Variants in OLFM4 observed in about 807,000 individuals in gnomAD.
The protein encoded by OLFM4 is olfactomedin 4, also known as olfactomedin-4.
OLFM4 carries 22 observed loss-of-function variants against 25.5 expected under a neutral mutation model. That is an observed-to-expected ratio of 0.86 (90% CI 0.62 to 1.23). OLFM4 has a LOEUF of 1.23. Ranked by LOEUF, OLFM4 falls within the 50% of genes most tolerant of loss-of-function variation. The pLI is 0.00. For synonymous variants in OLFM4, 255 were observed against 237.7 expected (o/e 1.07, Z -0.67); for missense variants, 594 against 619.4 (o/e 0.96, Z 0.44).
intron 4 of OLFM4, among the ~76,000 whole-genome samples, chr13:53,043,676 G>C (rs1047619378): frequency 4.6e-5 from 7 of 152,110 alleles, no homozygotes; most frequent in African/African-American, 1.7e-4. Flanking sequence ...GATGAGCTGG[G>C]TTTATGCCTT....
chr13:53,043,124 T>C lies in OLFM4; in HGVS notation c.590T>C (p.Leu197Ser), dbSNP rs371258053. The change falls in exon 4 of 5, where the codon TTG becomes TCG. Residue 197 changes from leucine to serine, a missense_variant. Coordinates refer to ENST00000219022, the MANE Select transcript of OLFM4 (RefSeq NM_006418.5). ...CCTTAGATAAGAAATATGACTCTCT[T>C]GGTAGAGAAGCTTGAGACACTAGAC... is the stretch of plus-strand genomic sequence containing the variant. ...LEVEIRNMTLLVEKLETLDKN... is the reference protein window; with the variant it reads ...LEVEIRNMTLSVEKLETLDKN... 1 of 1,605,202 alleles carries C rather than the reference T, an allele frequency of 6.2e-7. No homozygotes were observed. The highest frequency in any genetic ancestry group is 8.5e-7 in the Non-Finnish European group (1 of 1,177,240).
chr13:53,049,846 G>T, intron 4 of OLFM4, 123 bp from the exon 5 acceptor site: 1 of 1,027,828 alleles, frequency 9.7e-7, no homozygotes, highest in Non-Finnish European at 1.4e-6. Context: ...CAGAACCACT[G>T]TTGTTATTGA....
chr13:53,048,903 G>A (rs571854555), intron 4 of OLFM4, among the ~76,000 whole-genome samples: 1 of 152,238 alleles, frequency 6.6e-6, no homozygotes, highest in South Asian at 2.1e-4. Context: ...CAGAAAATGT[G>A]TGTTCAACTC....
intron 1 of OLFM4, among the ~76,000 whole-genome samples, chr13:53,033,853 G>T (rs1018648454): frequency 1.0e-4 from 15 of 143,102 alleles, no homozygotes; most frequent in Admixed American, 7.9e-4. Context: ...GAGGTCAGGA[G>T]ATCGAGACCA....
chr13:53,029,397 T>TA (rs1291458789), intron 1 of OLFM4, among the ~76,000 whole-genome samples: 1 of 152,116 alleles, frequency 6.6e-6, no homozygotes, highest in Non-Finnish European at 1.5e-5. Flanking sequence ...TCAAATATTT[T>TA]AAAAAACCTC....
intron 4 of OLFM4, 90 bp from the exon 5 acceptor site, chr13:53,049,879 T>C: frequency 1.5e-6 from 2 of 1,337,334 alleles, no homozygotes; most frequent in Non-Finnish European, 1.0e-6. Flanking sequence ...AAAATATTTA[T>C]AGATTCCTTT....
chr13:53,049,896 T>G, intron 4 of OLFM4, 73 bp from the exon 5 acceptor site: 1 of 1,400,608 alleles, frequency 7.1e-7, no homozygotes, highest in African/African-American at 1.4e-5. Flanking sequence ...CTTTGGTGCT[T>G]AGGATATTAA....
rs542653297 is a variant in OLFM4, at chr13:53,049,996, A to C, written c.758A>C (p.Asn253Thr). The C allele has an allele frequency of 6.2e-7, 1 of 1,609,770 alleles. No individual in the cohort carries two copies. The highest frequency in any genetic ancestry group is 1.1e-5 in the South Asian group (1 of 91,022). The change falls in exon 5 of 5, where the codon AAC becomes ACC. Residue 253 changes from asparagine (N) to threonine (T), a missense_variant. Coordinates refer to ENST00000219022, the MANE Select transcript of OLFM4 (RefSeq NM_006418.5). Reference protein sequence around the residue: ...PGSCGHGGVVNISKPSVVQLN... With the variant: ...PGSCGHGGVVTISKPSVVQLN... ...AGCTGTGGTCATGGTGGTGTGGTGA[A>C]CATCAGCAAACCGTCTGTGGTTCAG...
At chr13:53,033,864 C>T (rs1262508838) in intron 1 of OLFM4, among the ~76,000 whole-genome samples, 3 of 143,422 alleles carry the variant, frequency 2.1e-5, no homozygotes, top group Non-Finnish European at 3.1e-5. Flanking sequence ...ATCGAGACCA[C>T]CCTGGCTAAC....
At chr13:53,043,386 T>C (rs1302846868) in intron 4 of OLFM4, 122 bp downstream of exon 4, 22 of 809,962 alleles carry the variant, frequency 2.7e-5, no homozygotes, top group Non-Finnish European at 3.9e-5. Flanking sequence ...TTTTTTTTTT[T>C]TTTCAGTTCT....
chr13:53,046,896 G>A (rs1235909355), intron 4 of OLFM4, among the ~76,000 whole-genome samples: 1 of 152,224 alleles, frequency 6.6e-6, no homozygotes, highest in Non-Finnish European at 1.5e-5. Flanking sequence ...ATTAGAATCT[G>A]TCTAGTAGTA....
rs1954680091 is a variant in OLFM4 at position 53,040,183 on chromosome 13, C to T, written c.358-1727C>T. On this transcript the variant is annotated intron_variant, in intron 2 of 4. Coordinates refer to ENST00000219022, the MANE Select transcript of OLFM4 (RefSeq NM_006418.5). ...CTTTAGAGATCAGACACAGAAAGAA[C>T]CACCAACTGTGTTTATTAAAATATC... Among the ~76,000 whole-genome samples, 3 of 152,188 alleles carry T rather than the reference C, an allele frequency of 2.0e-5. No individual in the cohort carries two copies. The South Asian group carries it at 6.2e-4, about 32-fold the overall frequency.
At position 53,050,306 on chromosome 13, in the gene OLFM4, C is replaced by T. The variant is rs765123946; in HGVS notation, c.1068C>T (p.Asn356=). Reference sequence around the variant, plus strand: ...TTGCCAGAGTTAACCTGACCACCAACACGATTGCTGTGACTCAAACTCTCC... The same window carrying T: ...TTGCCAGAGTTAACCTGACCACCAATACGATTGCTGTGACTCAAACTCTCC... The part of the protein sequence containing the change: ...GNIARVNLTT[N]TIAVTQTLPN... The change falls in exon 5 of 5, where the codon AAC becomes AAT. Residue 356 remains asparagine, a synonymous_variant. Coordinates refer to ENST00000219022, the MANE Select transcript of OLFM4 (RefSeq NM_006418.5). The T allele has an allele frequency of 1.9e-5, 31 of 1,613,942 alleles. No homozygotes were observed. The highest frequency in any genetic ancestry group is 2.7e-5 in the African/African-American group (2 of 74,902).
chr13:53,031,347 T>C (rs1030183808), intron 1 of OLFM4, among the ~76,000 whole-genome samples: 34 of 152,222 alleles, frequency 2.2e-4, no homozygotes, highest in African/African-American at 7.5e-4. Context: ...TCATTTTCTG[T>C]ACTTTGAAAA....
rs149732767 is a variant in OLFM4, at chr13:53,050,162, A to C, written c.924A>C (p.Thr308=). 62 of 1,613,976 alleles carry C rather than the reference A, an allele frequency of 3.8e-5. No individual in the cohort carries two copies. Among genetic ancestry groups the C allele is most frequent in the Middle Eastern group, 3.3e-4 (2 of 6,060 alleles). The change falls in exon 5 of 5, where the codon ACA becomes ACC. Residue 308 remains threonine, a synonymous_variant. Transcript: ENST00000219022. ...TGGAGTATTATAGACTGTACAACACACTGGATGATTTGCTATTGTATATAA... is the reference window on the plus strand; with the variant it reads ...TGGAGTATTATAGACTGTACAACACCCTGGATGATTTGCTATTGTATATAA... ...RLLEYYRLYN[T]LDDLLLYINA... is the part of the protein sequence containing the mutation.
At chr13:53,036,261 C>A (rs548674394) in intron 2 of OLFM4, among the ~76,000 whole-genome samples, 1 of 152,128 alleles carries the variant, frequency 6.6e-6, no homozygotes, top group Admixed American at 6.6e-5. Flanking sequence ...TAAATTCTAA[C>A]CATTAATATT....
chr13:53,045,706 A>AC (rs1375409924), intron 4 of OLFM4, among the ~76,000 whole-genome samples: 1 of 152,150 alleles, frequency 6.6e-6, no homozygotes, highest in African/African-American at 2.4e-5. Flanking sequence ...CAGTTTGCTG[A>AC]CCCAGTGGTC....
intron 1 of OLFM4, among the ~76,000 whole-genome samples, chr13:53,034,137 G>A (rs1364800434): frequency 6.6e-6 from 1 of 150,604 alleles, no homozygotes; most frequent in Non-Finnish European, 1.5e-5. Flanking sequence ...AGTGGTTTTC[G>A]TACAACCAGT....
chr13:53,029,157 A>T (rs1467237435), intron 1 of OLFM4, 117 bp downstream of exon 1: 2 of 1,457,288 alleles, frequency 1.4e-6, no homozygotes, highest in East Asian at 2.3e-5. Context: ...TTTACGACTC[A>T]TTTTGTTAAC....
Sources: allele counts gnomAD v4.1 joint callset (sites outside exome capture counted in the v4.1 genomes callset), GRCh38; gene constraint gnomAD v4.1.1; transcripts MANE v1.5; gene names NCBI Gene and HGNC (gene_info 2026-07-23, HGNC 2026-07-21).